The following HS6ST3 variants were observed in gnomAD, a reference collection of about 807,000 sequenced individuals.
HS6ST3 encodes heparan-sulfate 6-O-sulfotransferase 3.
In HS6ST3, 12 loss-of-function variants were observed where a neutral mutation model predicts 36.7. The observed-to-expected ratio is 0.33, with a 90% CI of 0.21 to 0.53. The LOEUF (loss-of-function observed/expected upper bound fraction) is 0.53, where lower values mean the gene tolerates loss of function less well. Among genes scored for constraint, HS6ST3 ranks in the 20% least tolerant of loss-of-function variants. The probability of loss-of-function intolerance (pLI) is 0.95; values close to 1 mark genes in which losing one functional copy is unlikely to be tolerated. For missense variants in HS6ST3, 584 were observed against 640.9 expected (o/e 0.91, Z 0.96); for synonymous variants, 240 against 257.5 (o/e 0.93, Z 0.65).
intron 1 of HS6ST3, among the ~76,000 whole-genome samples, chr13:96,639,587 G>A (rs1363528604): frequency 6.6e-6 from 1 of 151,924 alleles, no homozygotes; most frequent in Non-Finnish European, 1.5e-5. Context: ...TACGTGTGCA[G>A]GTTTGTTATT....
At chr13:96,301,756 A>AAAAATT (rs1229135502) in intron 1 of HS6ST3, among the ~76,000 whole-genome samples, 1 of 151,746 alleles carries the variant, frequency 6.6e-6, no homozygotes, top group East Asian at 1.9e-4. Flanking sequence ...AACAAACAAA[A>AAAAATT]AAAATTAGTT....
chr13:96,252,951 T>A (rs563190285), intron 1 of HS6ST3, among the ~76,000 whole-genome samples: 5 of 152,250 alleles, frequency 3.3e-5, no homozygotes, highest in Non-Finnish European at 5.9e-5. Flanking sequence ...TAATTAAACC[T>A]CTTTTCTTTA....
rs1878869274 is a variant in HS6ST3, at chr13:96,834,107, A to G, written c.*909A>G. On this transcript the variant is annotated 3_prime_UTR_variant, in exon 2 of 2. Transcript: ENST00000376705. The stretch of plus-strand genomic sequence containing the variant: ...CATAACCTTAGATTTTTAAAGGAAT[A>G]TTTCAGAGTTTAATCTTTTTGGAGA... 1 of 152,192 alleles carries G rather than the reference A, an allele frequency of 6.6e-6. No individual in the cohort carries two copies. Among genetic ancestry groups the G allele is most frequent in the Admixed American group, 6.5e-5 (1 of 15,280 alleles). 9.4% of individuals were successfully genotyped at this position (152,192 alleles called of 1,614,324 possible).
chr13:96,565,764 C>T (rs1161732015), intron 1 of HS6ST3, among the ~76,000 whole-genome samples: 1 of 152,062 alleles, frequency 6.6e-6, no homozygotes, highest in Admixed American at 6.6e-5. Flanking sequence ...TCACTTCAAG[C>T]TCAGCAGTCA....
At chr13:96,717,530 T>C (rs1234832754) in intron 1 of HS6ST3, among the ~76,000 whole-genome samples, 4 of 152,202 alleles carry the variant, frequency 2.6e-5, no homozygotes, top group Non-Finnish European at 5.9e-5. Context: ...TGCAAGCGTG[T>C]TTCCTTATTT....
intron 1 of HS6ST3, among the ~76,000 whole-genome samples, chr13:96,458,537 G>C (rs2055765342): frequency 6.6e-6 from 1 of 151,862 alleles, no homozygotes; most frequent in Non-Finnish European, 1.5e-5. Flanking sequence ...TCATAGTCAA[G>C]GTGCTCTGAT....
chr13:96,574,132 C>T (rs2056312184), intron 1 of HS6ST3: 1 of 536,936 alleles, frequency 1.9e-6, no homozygotes. Context: ...AATACGTTAG[C>T]CATTGCATTT....
chr13:96,474,477 C>T (rs754725898), intron 1 of HS6ST3, among the ~76,000 whole-genome samples: 13 of 152,128 alleles, frequency 8.5e-5, no homozygotes, highest in Non-Finnish European at 1.8e-4. Flanking sequence ...AGTGCTAACT[C>T]GGTGTGGGTC....
chr13:96,091,190 C>G lies in HS6ST3; in HGVS notation c.328C>G (p.Pro110Ala). Residue 110 changes from proline to alanine, a missense_variant, in exon 1 of 2, where the codon CCG (proline) becomes GCG (alanine). Pro to Ala is a conservative substitution (Grantham distance 27, BLOSUM62 -1). This residue lies in a region of HS6ST3 where 217 missense variants were observed against 205.4 expected (regional missense o/e 1.06). Coordinates refer to ENST00000376705, the MANE Select transcript of HS6ST3 (RefSeq NM_153456.4). Reference sequence around the variant, plus strand: ...GGAGGAAGAGGAGGAGGAAGACGAGCCGGACCCCGAGGCCCCGGAAAACGG... The same window carrying G: ...GGAGGAAGAGGAGGAGGAAGACGAGGCGGACCCCGAGGCCCCGGAAAACGG... ...EGEEEEEEDE[P>A]DPEAPENGSL... is the part of the protein sequence containing the mutation. 1 of 1,553,966 alleles carries G rather than the reference C, an allele frequency of 6.4e-7. No individual in the cohort carries two copies. Among genetic ancestry groups the G allele is most frequent in the Non-Finnish European group, 8.7e-7 (1 of 1,148,542 alleles).
At chr13:96,439,329 T>C (rs1160890356) in intron 1 of HS6ST3, among the ~76,000 whole-genome samples, 1 of 152,220 alleles carries the variant, frequency 6.6e-6, no homozygotes, top group Non-Finnish European at 1.5e-5. Context: ...AAATGTAAGA[T>C]AGTAATTTTA....
intron 1 of HS6ST3, among the ~76,000 whole-genome samples, chr13:96,564,020 C>A (rs2056272241): frequency 6.6e-6 from 1 of 152,126 alleles, no homozygotes; most frequent in African/African-American, 2.4e-5. Flanking sequence ...ATGATACATA[C>A]CTACTTTATG....
At chr13:96,234,541 G>C (rs1383349458) in intron 1 of HS6ST3, among the ~76,000 whole-genome samples, 1 of 152,124 alleles carries the variant, frequency 6.6e-6, no homozygotes, top group African/African-American at 2.4e-5. Context: ...TCATAATCAT[G>C]GTGGAAGGCA....
At chr13:96,331,301 C>T (rs1222019880) in intron 1 of HS6ST3, among the ~76,000 whole-genome samples, 1 of 151,998 alleles carries the variant, frequency 6.6e-6, no homozygotes, top group East Asian at 1.9e-4. Flanking sequence ...TTTTCCCCAT[C>T]TTTGTGGTTT....
chr13:96,590,427 C>A (rs903337641), intron 1 of HS6ST3, among the ~76,000 whole-genome samples: 1 of 152,002 alleles, frequency 6.6e-6, no homozygotes, highest in Non-Finnish European at 1.5e-5. Context: ...ATTTGCGTTT[C>A]TCTGATAATC....
At chr13:96,443,305 C>A (rs891429438) in intron 1 of HS6ST3, among the ~76,000 whole-genome samples, 1 of 151,640 alleles carries the variant, frequency 6.6e-6, no homozygotes, top group Non-Finnish European at 1.5e-5. Flanking sequence ...CTGAGGCGGG[C>A]GGATCACAAG....
Position 96,270,916 on chromosome 13 carries a change from A to T in HS6ST3, c.707+179347A>T, listed in dbSNP as rs77013093. 6.0e-3 allele frequency among the ~76,000 whole-genome samples: 903 copies of T among 151,752 alleles called. 7 individuals carry two copies. Among genetic ancestry groups the T allele is most frequent in the Middle Eastern group, 0.048 (14 of 294 alleles). Reference sequence around the variant, plus strand: ...CTGGAATGTTCTTCTCCACCCCTTCACCTACCAACTTTCAGAGCTCAACTC... The same window carrying T: ...CTGGAATGTTCTTCTCCACCCCTTCTCCTACCAACTTTCAGAGCTCAACTC... On this transcript the variant is annotated intron_variant, in intron 1 of 1. Transcript: ENST00000376705.
intron 1 of HS6ST3, among the ~76,000 whole-genome samples, chr13:96,469,464 T>C (rs1035923582): frequency 2.0e-5 from 3 of 152,142 alleles, no homozygotes; most frequent in Non-Finnish European, 4.4e-5. Flanking sequence ...CTCCTCCACC[T>C]TTCAGCCTGA....
Position 96,832,573 on chromosome 13 carries a change from G to C in HS6ST3, c.791G>C (p.Trp264Ser), listed in dbSNP as rs1431291170. 1 of 1,613,844 alleles carries C rather than the reference G, an allele frequency of 6.2e-7. No individual in the cohort carries two copies. Among genetic ancestry groups the C allele is most frequent in the Non-Finnish European group, 8.5e-7 (1 of 1,179,878 alleles). The change falls in exon 2 of 2, where the codon TGG (tryptophan) becomes TCG (serine). Residue 264 changes from tryptophan (W) to serine (S), a missense_variant. Trp to Ser is a radical substitution (Grantham distance 177). Coordinates refer to ENST00000376705, the MANE Select transcript of HS6ST3 (RefSeq NM_153456.4). ...EWKHVQRGAT[W>S]KTSLHMCDGR... The stretch of plus-strand genomic sequence containing the variant: ...AAACATGTCCAGAGAGGGGCCACTT[G>C]GAAAACCTCTCTTCATATGTGTGAT...
intron 1 of HS6ST3, among the ~76,000 whole-genome samples, chr13:96,752,382 T>C (rs1403300973): frequency 6.6e-6 from 1 of 152,212 alleles, no homozygotes; most frequent in Non-Finnish European, 1.5e-5. Flanking sequence ...CAAGGTAACG[T>C]CAAATTGCTT....
Sources: gnomAD v4.1 joint callset for allele counts (sites outside exome capture counted in the v4.1 genomes callset) on GRCh38, gnomAD v4.1.1 for gene constraint, gnomAD v4.1.1 regional missense constraint, MANE v1.5 for transcripts, NCBI Gene and HGNC (gene_info 2026-07-23, HGNC 2026-07-21) for gene names.